Variants in TPRA1 observed in about 807,000 individuals in gnomAD.
TPRA1 encodes transmembrane protein adipocyte-associated 1.
Under a neutral mutation model 40.1 loss-of-function variants are expected in TPRA1, and 28 were observed. That is an observed-to-expected ratio of 0.70 (90% CI 0.52 to 0.96). The LOEUF is 0.96. TPRA1 is among the 40% of genes least tolerant of loss of function. The pLI is 0.00. For synonymous variants in TPRA1, 219 were observed against 209.7 expected, an observed-to-expected ratio of 1.04 and a Z score of -0.38; for missense variants, 441 against 482.6, an observed-to-expected ratio of 0.91 and a Z score of 0.81.
rs1427373983 is a variant in TPRA1 at position 127,571,310 on chromosome 3, G to A, written c.*2211C>T. ...CAGCTGTGTATCTAGCGAAAAATCA[G>A]GGATTCTCTTCCAATGGAGAAAAAC... On this transcript the variant is annotated 3_prime_UTR_variant, in exon 11 of 11. Coordinates refer to ENST00000355552, the MANE Select transcript of TPRA1 (RefSeq NM_001136053.4). The A allele has an allele frequency of 6.6e-6, 1 of 152,164 alleles. No homozygotes were observed. The highest frequency in any genetic ancestry group is 2.4e-5 in the African/African-American group (1 of 41,448). The allele number at this position is 152,164 out of a possible 1,614,324, so 9.4% of individuals were successfully genotyped here.
At chr3:127,578,801 G>A (rs1472594994) in intron 3 of TPRA1, among the ~76,000 whole-genome samples, 2 of 152,140 alleles carry the variant, frequency 1.3e-5, no homozygotes, top group African/African-American at 4.8e-5. Context: ...TTCTGGGCTA[G>A]ACCACAAGGA....
At chr3:127,583,391 G>T (rs1018998232) in intron 1 of TPRA1, among the ~76,000 whole-genome samples, 15 of 152,048 alleles carry the variant, frequency 9.9e-5, no homozygotes, top group African/African-American at 3.4e-4. Context: ...CCAGCTAATA[G>T]GAAGGCTGAG....
chr3:127,595,996 C>T (rs1490511756), intron 1 of TPRA1, among the ~76,000 whole-genome samples: 3 of 152,164 alleles, frequency 2.0e-5, no homozygotes, highest in Admixed American at 6.5e-5. Flanking sequence ...GAAGAAGAGG[C>T]ACCCAGTGGC....
chr3:127,575,753 C>G lies in TPRA1; in HGVS notation c.666G>C (p.Leu222=). 3.7e-6 allele frequency: 6 copies of G among 1,613,586 alleles called. No homozygotes were observed. Among genetic ancestry groups the G allele is most frequent in the Non-Finnish European group, 5.1e-6 (6 of 1,179,930 alleles). Residue 222 remains leucine, a synonymous_variant, in exon 8 of 11, where the codon CTG becomes CTC. Coordinates refer to ENST00000355552, the MANE Select transcript of TPRA1 (RefSeq NM_001136053.4). Reference sequence around the variant, plus strand: ...AGCCGCCGGCCAGCTGCTCACAAGGCAGGGAGATGCGCTCCTTCAGCGGGG... The same window carrying G: ...AGCCGCCGGCCAGCTGCTCACAAGGGAGGGAGATGCGCTCCTTCAGCGGGG... ...PKTPLKERIS[L]PSRRSFYVYA...
chr3:127,576,986 G>A lies in TPRA1; in HGVS notation c.345+4C>T, dbSNP rs568051394. On this transcript the variant is annotated splice_donor_region_variant and intron_variant, in intron 4 of 10. Coordinates refer to ENST00000355552, the MANE Select transcript of TPRA1 (RefSeq NM_001136053.4). This position sits in a 1 kb window ranked among gnomAD's most constrained non-coding sequence, Gnocchi z 4.6. ...CTGGCCTCCCTCAGAGGGCCCAGCC[G>A]CACCTTATCAGCAACAGTTGCAGCG... The A allele has an allele frequency of 4.3e-5, 69 of 1,613,630 alleles. No individual in the cohort carries two copies. Among genetic ancestry groups the A allele is most frequent in the Non-Finnish European group, 5.2e-5 (61 of 1,179,970 alleles).
intron 1 of TPRA1, among the ~76,000 whole-genome samples, chr3:127,588,796 A>T (rs568242930): frequency 6.6e-6 from 1 of 152,336 alleles, no homozygotes; most frequent in African/African-American, 2.4e-5. Flanking sequence ...ACGTGGTGAC[A>T]CACTTAACAA....
chr3:127,597,389 G>A (rs773807094), intron 1 of TPRA1, among the ~76,000 whole-genome samples: 3 of 152,194 alleles, frequency 2.0e-5, no homozygotes, highest in Admixed American at 6.5e-5. Context: ...ACTAGTTCAC[G>A]TCTCACCCTG....
upstream of TPRA1, among the ~76,000 whole-genome samples, chr3:127,595,139 T>C (rs1419871064): frequency 1.3e-5 from 2 of 152,226 alleles, no homozygotes; most frequent in African/African-American, 4.8e-5. Context: ...ATCTGTCCTA[T>C]GCTGTTGGGA....
In TPRA1 at chr3:127,576,872, A is replaced by C. The variant is rs779215230; in HGVS notation, c.367T>G (p.Phe123Val). 6.2e-7 allele frequency: 1 copy of C among 1,613,900 alleles called. No individual in the cohort carries two copies. Among genetic ancestry groups the C allele is most frequent in the Admixed American group, 1.7e-5 (1 of 60,026 alleles). ...CTCAGCTCGATGGCCAGCAGGAAGA[A>C]GCGGGTGATCTCCCACAGGATCTGC... Reference protein sequence around the residue: ...ADKILWEITRFFLLAIELSVI... With the variant: ...ADKILWEITRVFLLAIELSVI... Residue 123 changes from phenylalanine to valine, a missense_variant, in exon 5 of 11, where the codon TTC becomes GTC. Transcript: ENST00000355552. The surrounding 1 kb of genome is among the most constrained non-coding windows in gnomAD (Gnocchi z 4.6).
At position 127,574,960 on chromosome 3, in the gene TPRA1, G is replaced by C. The variant is rs973758850; in HGVS notation, c.854+225C>G. 8.5e-6 allele frequency: 5 copies of C among 585,808 alleles called. No individual in the cohort carries two copies. In the Admixed American group the frequency reaches 9.4e-5, roughly 11 times the overall value. The allele number at this position is 585,808 out of a possible 1,614,324, so 36.3% of individuals were successfully genotyped here. On this transcript the variant is annotated intron_variant, in intron 10 of 10. Coordinates refer to ENST00000355552, the MANE Select transcript of TPRA1 (RefSeq NM_001136053.4). Reference sequence around the variant, plus strand: ...TGCATGTGTGCATGCTTGTGCATCCGTGTGTGCATGTGCACGTGTCCATGC... The same window carrying C: ...TGCATGTGTGCATGCTTGTGCATCCCTGTGTGCATGTGCACGTGTCCATGC...
intron 1 of TPRA1, among the ~76,000 whole-genome samples, chr3:127,589,018 G>T (rs1231817691): frequency 6.6e-6 from 1 of 152,098 alleles, no homozygotes; most frequent in East Asian, 1.9e-4. Context: ...GGAGCCCAGG[G>T]GTGATTCTCA....
Position 127,572,357 on chromosome 3 carries a change from C to T in TPRA1, c.*1164G>A, listed in dbSNP as rs2107612075. Among the ~76,000 whole-genome samples, 1 of 152,388 alleles carries T rather than the reference C, an allele frequency of 6.6e-6. No homozygotes were observed. Among genetic ancestry groups the T allele is most frequent in the African/African-American group, 2.4e-5 (1 of 41,604 alleles). On this transcript the variant is annotated 3_prime_UTR_variant, in exon 11 of 11. Transcript: ENST00000355552. ...GTGTCCTGGATGGGCTCCTCCTCTC[C>T]AACTCTGGGGATTACATAACTGGCA...
rs528772861 is a variant in TPRA1, at chr3:127,580,102, C to T, written c.45G>A (p.Ala15=). 4.3e-5 allele frequency: 70 copies of T among 1,613,720 alleles called. No homozygotes were observed. In the South Asian group the frequency reaches 6.4e-4, roughly 15 times the overall value. ...TGTTTGGTGCCAGGGGTGGGGGTAG[C>T]GCTGTGCTCCCATTGGCCCAAGTCA... ...EEVTWANGST[A]LPPPLAPNIS... Residue 15 remains alanine, a synonymous_variant, in exon 2 of 11, where the codon GCG becomes GCA. Transcript: ENST00000355552.
At chr3:127,597,812 CT>C (rs752283945) in intron 1 of TPRA1, among the ~76,000 whole-genome samples, 273 of 144,874 alleles carry the variant, frequency 1.9e-3, no homozygotes, top group East Asian at 0.013. Context: ...CCTCTGCTGT[CT>C]TTTTTTTTTT....
At chr3:127,593,280 A>G (rs774807377), upstream of TPRA1, among the ~76,000 whole-genome samples, 9 of 152,300 alleles carry the variant, frequency 5.9e-5, no homozygotes, top group South Asian at 1.2e-3. Flanking sequence ...CAGCAGGCTC[A>G]GGGGTGGCCA....
intron 3 of TPRA1, 123 bp from the exon 4 acceptor site, chr3:127,577,199 CAA>C: frequency 1.0e-6 from 1 of 980,654 alleles, no homozygotes; most frequent in Non-Finnish European, 1.6e-6. Context: ...GAGGAAGGCG[CAA>C]AGTCAGGGTG....
chr3:127,593,658 G>A (rs758199730), upstream of TPRA1, among the ~76,000 whole-genome samples: 8 of 152,018 alleles, frequency 5.3e-5, no homozygotes, highest in South Asian at 2.1e-4. Flanking sequence ...GACCAAAGAC[G>A]TGTGGAGGGT....
intron 10 of TPRA1, 117 bp downstream of exon 10, chr3:127,575,068 G>T: frequency 2.7e-6 from 3 of 1,099,214 alleles, no homozygotes; most frequent in Non-Finnish European, 4.0e-6. Context: ...ATGTATGTGC[G>T]TGCGCATGCG....
Position 127,571,349 on chromosome 3 carries a change from G to A in TPRA1, c.*2172C>T, listed in dbSNP as rs185581451. ...ATGGAGAAAAACAACATATATTGGAGGACAACTATTGATCTCTGCAGAAGA... is the reference window on the plus strand; with the variant it reads ...ATGGAGAAAAACAACATATATTGGAAGACAACTATTGATCTCTGCAGAAGA... On this transcript the variant is annotated 3_prime_UTR_variant, in exon 11 of 11. Transcript: ENST00000355552. 6.6e-6 allele frequency: 1 copy of A among 152,246 alleles called. No homozygotes were observed. Among genetic ancestry groups the A allele is most frequent in the East Asian group, 1.9e-4 (1 of 5,192 alleles). The allele number at this position is 152,246 out of a possible 1,614,324, so 9.4% of individuals were successfully genotyped here. A position where few individuals can be genotyped will look rare whatever the true frequency, so the allele number is the denominator to read the frequency against.
Sources: gnomAD v4.1 joint callset for allele counts (sites outside exome capture counted in the v4.1 genomes callset) on GRCh38, gnomAD v4.1.1 for gene constraint, Gnocchi (gnomAD v3.1) non-coding constraint, MANE v1.5 for transcripts, NCBI Gene and HGNC (gene_info 2026-07-23, HGNC 2026-07-21) for gene names.